TTN: variants seen among roughly 807,000 people sequenced by gnomAD.
TTN encodes titin, also known as connectin.
In TTN, 1,525 loss-of-function variants were observed where a neutral mutation model predicts 3,223.0. The observed-to-expected ratio is 0.47, with a 90% CI of 0.45 to 0.49. The LOEUF (loss-of-function observed/expected upper bound fraction) is 0.49, where lower values mean the gene tolerates loss of function less well. Among genes scored for constraint, TTN ranks in the 20% least tolerant of loss-of-function variants. The pLI is 0.00. For missense variants in TTN, 40,786 were observed against 43,424.0 expected, an observed-to-expected ratio of 0.94 and a Z score of 5.40; for synonymous variants, 14,094 against 15,161.0, an observed-to-expected ratio of 0.93 and a Z score of 5.17.
intron 46 of TTN, 29 bp downstream of exon 46, chr2:178,756,193 A>T: frequency 6.6e-7 from 1 of 1,515,836 alleles, no homozygotes; most frequent in South Asian, 1.2e-5. Context: ...GGATGAAATG[A>T]AGCAAGTCAT....
Position 178,542,934 on chromosome 2 carries a change from T to G in TTN, c.96920A>C (p.Asp32307Ala). Residue 32307 changes from aspartate (D) to alanine (A), a missense_variant, in exon 348 of 363, where the codon GAT (aspartate) becomes GCT (alanine). Asp to Ala is a moderately radical substitution (Grantham distance 126). Transcript: ENST00000589042. ...VQDLRVLPTI[D>A]LSTMPQKTIH... ...GGTCTTCTGAGGCATTGTAGAAAGA[T>G]CGATTGTTGGCAACACTATGGGAAA... The G allele has an allele frequency of 1.9e-6, 3 of 1,602,518 alleles. No homozygotes were observed. In the East Asian group the frequency reaches 6.7e-5, roughly 36 times the overall value.
In TTN at chr2:178,650,395, T is replaced by G; in HGVS notation, c.39710-124A>C. Reference sequence around the variant, plus strand: ...TGTTTCAATTGATACCTTCTCTTATTTTTGTTTAGATAAAATCTATCTCAT... The same window carrying G: ...TGTTTCAATTGATACCTTCTCTTATGTTTGTTTAGATAAAATCTATCTCAT... On this transcript the variant is annotated intron_variant, in intron 209 of 362. Coordinates refer to ENST00000589042, the MANE Select transcript of TTN (RefSeq NM_001267550.2). The G allele has an allele frequency of 4.1e-6, 4 of 976,814 alleles. No homozygotes were observed. In the South Asian group the frequency reaches 7.2e-5, roughly 18 times the overall value. 60.5% of individuals were successfully genotyped at this position (976,814 alleles called of 1,614,324 possible). A position where few individuals can be genotyped will look rare whatever the true frequency, so the allele number is the denominator to read the frequency against.
chr2:178,671,675 G>C (rs915465067), intron 155 of TTN, among the ~76,000 whole-genome samples: 3 of 151,622 alleles, frequency 2.0e-5, no homozygotes, highest in African/African-American at 7.2e-5. Context: ...CAATGACACT[G>C]GTCAGTTATT....
At chr2:178,791,363 T>C (rs1282929689) in intron 10 of TTN, among the ~76,000 whole-genome samples, 1 of 152,006 alleles carries the variant, frequency 6.6e-6, no homozygotes, top group Non-Finnish European at 1.5e-5. Context: ...AGAGCTTGAG[T>C]TCAAGGAGGA....
In TTN at chr2:178,593,170, T is replaced by C. The variant is rs1212412005; in HGVS notation, c.59035+3A>G. 6.2e-7 allele frequency: 1 copy of C among 1,612,900 alleles called. No homozygotes were observed. Among genetic ancestry groups the C allele is most frequent in the Admixed American group, 1.7e-5 (1 of 59,902 alleles). On this transcript the variant is annotated splice_donor_region_variant and intron_variant, in intron 299 of 362. Coordinates refer to ENST00000589042, the MANE Select transcript of TTN (RefSeq NM_001267550.2). ...AAACTGAATAAATCCATTAATACTA[T>C]ACCAATTGGATCTTTAGCAAAGACT...
chr2:178,790,947 A>G (rs919307051), intron 10 of TTN, 102 bp from the exon 11 acceptor site: 3 of 1,410,780 alleles, frequency 2.1e-6, no homozygotes, highest in Non-Finnish European at 2.9e-6. Context: ...CTTAGTGGTG[A>G]ACGATAAAAT....
At chr2:178,630,142 A>G (rs1422099652) in intron 239 of TTN, 99 bp downstream of exon 239, 1 of 1,520,984 alleles carries the variant, frequency 6.6e-7, no homozygotes, top group Non-Finnish European at 9.0e-7. Context: ...TGTTTTAATA[A>G]TATTTTCTAA....
chr2:178,631,142 C>G lies in TTN; in HGVS notation c.43906G>C (p.Asp14636His). The change falls in exon 237 of 363, where the codon GAT becomes CAT. Residue 14636 changes from aspartate (D) to histidine (H), a missense_variant. By Grantham distance (81) the Asp-to-His change is moderately conservative (BLOSUM62 -1). Coordinates refer to ENST00000589042, the MANE Select transcript of TTN (RefSeq NM_001267550.2). Reference sequence around the variant, plus strand: ...AGGATTAGCATGCGTTTCTTGCCATCTGCCTTAATAACAGCATTTTTGGAT... The same window carrying G: ...AGGATTAGCATGCGTTTCTTGCCATGTGCCTTAATAACAGCATTTTTGGAT... ...KPSKNAVIKA[D>H]GKKRMLILKK... The G allele has an allele frequency of 1.2e-6, 2 of 1,613,320 alleles. No homozygotes were observed. The highest frequency in any genetic ancestry group is 2.2e-5 in the South Asian group (2 of 91,066).
chr2:178,746,206 T>C, intron 47 of TTN: 1 of 1,613,146 alleles, frequency 6.2e-7, no homozygotes, highest in Non-Finnish European at 8.5e-7. Flanking sequence ...AACATTTGAA[T>C]ACAGCATCTG....
chr2:178,638,353 CTAAT>C (rs2060773437), intron 223 of TTN, among the ~76,000 whole-genome samples: 1 of 150,164 alleles, frequency 6.7e-6, no homozygotes, highest in Non-Finnish European at 1.5e-5. Context: ...TATAAAATGA[CTAAT>C]TATTGAATTA....
At chr2:178,737,895 G>A in intron 49 of TTN, 187 bp downstream of exon 49, 2 of 608,698 alleles carry the variant, frequency 3.3e-6, no homozygotes, top group East Asian at 5.9e-5. Flanking sequence ...GTCAGTAGTA[G>A]AAATGTGACT....
chr2:178,734,713 T>C lies in TTN; in HGVS notation c.15211A>G (p.Ile5071Val), dbSNP rs777480345. 1.2e-5 allele frequency: 20 copies of C among 1,604,108 alleles called. No homozygotes were observed. In the Middle Eastern group the frequency reaches 6.6e-4, roughly 53 times the overall value. The change falls in exon 51 of 363, where the codon ATC (isoleucine) becomes GTC (valine). Residue 5071 changes from isoleucine (I) to valine (V), a missense_variant. Transcript: ENST00000589042. ...GGAAACTCAGTAAACAAACCTTTGATAACTATTTCAGTACTGCAGCTATCA... is the reference window on the plus strand; with the variant it reads ...GGAAACTCAGTAAACAAACCTTTGACAACTATTTCAGTACTGCAGCTATCA... ...GSDSCSTEIV[I>V]KEPPSFIKTL...
chr2:178,776,994 C>T lies in TTN; in HGVS notation c.4870G>A (p.Asp1624Asn). Reference sequence around the variant, plus strand: ...GCAGTCGCAGTATACCAGGCAGAATCTTGGCTGACAGTGGAATCGATTTTA... The same window carrying T: ...GCAGTCGCAGTATACCAGGCAGAATTTTGGCTGACAGTGGAATCGATTTTA... The part of the protein sequence containing the change: ...ALKIDSTVSQ[D>N]SAWYTATAIN... The change falls in exon 28 of 363, where the codon GAT becomes AAT. Residue 1624 changes from aspartate to asparagine, a missense_variant. Asp to Asn is a conservative substitution (Grantham distance 23). Transcript: ENST00000589042. 1 of 1,614,028 alleles carries T rather than the reference C, an allele frequency of 6.2e-7. No individual in the cohort carries two copies. The highest frequency in any genetic ancestry group is 8.5e-7 in the Non-Finnish European group (1 of 1,179,992).
chr2:178,575,279 TC>T lies in TTN; in HGVS notation c.70852del (p.Glu23618LysfsTer48), dbSNP rs1709655709. 6.2e-7 allele frequency: 1 copy of T among 1,613,260 alleles called. No homozygotes were observed. Among genetic ancestry groups the T allele is most frequent in the African/African-American group, 1.3e-5 (1 of 74,902 alleles). ...CTCCTTGACAATGACGGGTCTGCTT[TC>T]TCTAGGGGCACTTCTCCCCGCGCTG... Reference protein sequence around the residue: ...VNSAGRSAPRESRPVIVKEQT... With the variant: ...VNSAGRSAPRXSRPVIVKEQT... On this transcript the variant is annotated frameshift_variant, in exon 326 of 363. Transcript: ENST00000589042. LOFTEE classifies it high-confidence loss of function. The surrounding 1 kb of genome is among the most constrained non-coding windows in gnomAD (Gnocchi z 4.0).
intron 315 of TTN, 31 bp from the exon 316 acceptor site, chr2:178,581,835 T>C (rs1217291152): frequency 6.3e-7 from 1 of 1,596,712 alleles, no homozygotes; most frequent in Non-Finnish European, 8.5e-7. Context: ...GAAATTTTCA[T>C]GAAAACTTCC....
At chr2:178,742,116 A>T (rs1195837077) in intron 47 of TTN, among the ~76,000 whole-genome samples, 195 bp from the exon 48 acceptor site, 1 of 152,080 alleles carries the variant, frequency 6.6e-6, no homozygotes, top group Non-Finnish European at 1.5e-5. Flanking sequence ...ATGCAAAATT[A>T]TAGATACTGT....
At position 178,539,977 on chromosome 2, in the gene TTN, AG is replaced by A. The variant is rs369986660; in HGVS notation, c.98099-12del. 5.0e-6 allele frequency: 8 copies of A among 1,609,626 alleles called. No individual in the cohort carries two copies. The highest frequency in any genetic ancestry group is 2.7e-5 in the African/African-American group (2 of 74,814). On this transcript the variant is annotated splice_polypyrimidine_tract_variant and intron_variant, in intron 351 of 362. Coordinates refer to ENST00000589042, the MANE Select transcript of TTN (RefSeq NM_001267550.2). The stretch of plus-strand genomic sequence containing the variant: ...CATAATCAGGATATTCTGGAAAAAA[AG>A]GTAGGGTTTCAATTTAGCATTTGGG...
At position 178,789,401 on chromosome 2, in the gene TTN, T is replaced by G. The variant is rs1554027460; in HGVS notation, c.2035A>C (p.Met679Leu). 6.2e-7 allele frequency: 1 copy of G among 1,613,426 alleles called. No homozygotes were observed. The highest frequency in any genetic ancestry group is 1.7e-5 in the Admixed American group (1 of 59,988). ...QETILRTRET[M>L]ATRQEQIQVT... ...TGGATTTGTTCTTGTCTAGTAGCCA[T>G]AGTTTCTCTAGTTCTCAGTATTGTT... The change falls in exon 13 of 363, where the codon ATG becomes CTG. Residue 679 changes from methionine to leucine, a missense_variant. Transcript: ENST00000589042.
rs1364550008 is a variant in TTN at position 178,557,738 on chromosome 2, C to A, written c.87616G>T (p.Glu29206Ter). 6.2e-7 allele frequency: 1 copy of A among 1,613,962 alleles called. No individual in the cohort carries two copies. Among genetic ancestry groups the A allele is most frequent in the Non-Finnish European group, 8.5e-7 (1 of 1,179,852 alleles). ...GCCTTGATGCGGAATTGGTATTCTT[C>A]TCCTGTGGTCAGTTTCATGACTTTC... ...MMKVMKLTTGEEYQFRIKAEN... is the reference protein window; with the variant it reads ...MMKVMKLTTG The change falls in exon 328 of 363, where the codon GAA (glutamate) becomes TAA (stop). Residue 29206 changes from glutamate (E) to a stop codon, truncating the protein, a stop_gained. Coordinates refer to ENST00000589042, the MANE Select transcript of TTN (RefSeq NM_001267550.2). LOFTEE classifies it high-confidence loss of function.
Sources: allele counts gnomAD v4.1 joint callset (sites outside exome capture counted in the v4.1 genomes callset), GRCh38; gene constraint gnomAD v4.1.1; non-coding constraint Gnocchi (gnomAD v3.1); transcripts MANE v1.5; gene names NCBI Gene and HGNC (gene_info 2026-07-23, HGNC 2026-07-21).